Variants in IQCE observed in about 807,000 individuals in gnomAD.
IQCE encodes IQ domain-containing protein E.
Under a neutral mutation model 96.0 loss-of-function variants are expected in IQCE, and 115 were observed. That is an observed-to-expected ratio of 1.20 (90% CI 1.03 to 1.40). The LOEUF is 1.40. IQCE is among the 40% of genes most tolerant of loss of function. The pLI, the probability that IQCE is intolerant of heterozygous loss-of-function variation, is 0.00. For synonymous variants in IQCE, 412 were observed against 371.2 expected, an observed-to-expected ratio of 1.11 and a Z score of -1.26; for missense variants, 1,041 against 909.1, an observed-to-expected ratio of 1.15 and a Z score of -1.87.
chr7:2,593,653 C>T (rs571800305), intron 15 of IQCE, among the ~76,000 whole-genome samples: 28 of 152,352 alleles, frequency 1.8e-4, no homozygotes, highest in African/African-American at 6.5e-4. Flanking sequence ...GCGTAGCACA[C>T]GATTCCTTGC....
chr7:2,604,882 C>T lies in IQCE; in HGVS notation c.1634C>T (p.Ala545Val), dbSNP rs775279694. ...TCTCCCTGCTTCCTTCCCTGACAGG[C>T]GGCTGTGGTGCTTCAGGCAGCTTTC... ...HKKKKAVLDEAAVVLQAAFRG... is the reference protein window; with the variant it reads ...HKKKKAVLDEVAVVLQAAFRG... The change falls in exon 19 of 22, where the codon GCG (alanine) becomes GTG (valine). Residue 545 changes from alanine (A) to valine (V), a missense_variant and splice_region_variant. Coordinates refer to ENST00000402050, the MANE Select transcript of IQCE (RefSeq NM_152558.5). 3.4e-5 allele frequency: 55 copies of T among 1,611,756 alleles called. 1 individual carries two copies. Among genetic ancestry groups the T allele is most frequent in the Middle Eastern group, 1.6e-4 (1 of 6,082 alleles).
Position 2,586,085 on chromosome 7 carries a change from C to T in IQCE, c.825-123C>T, listed in dbSNP as rs1052587972. On this transcript the variant is annotated intron_variant, in intron 11 of 21. Transcript: ENST00000402050. ...TGCCTATTCGATTTCAAATACTCAC[C>T]TGCAAAAACCACTCTGAGCTCACAA... is the stretch of plus-strand genomic sequence containing the variant. 4.1e-5 allele frequency: 36 copies of T among 885,358 alleles called. No homozygotes were observed. The Admixed American group carries it at 4.8e-4, about 12-fold the overall frequency. The allele number at this position is 885,358 out of a possible 1,614,324, so 54.8% of individuals were successfully genotyped here.
chr7:2,605,050 C>G (rs1784697699), intron 19 of IQCE, 59 bp downstream of exon 19: 4 of 1,218,062 alleles, frequency 3.3e-6, no homozygotes, highest in African/African-American at 1.5e-5. Flanking sequence ...GTCTCGCACT[C>G]CATCCATCGA....
chr7:2,572,408 G>T, intron 5 of IQCE, 82 bp downstream of exon 5: 3 of 1,431,612 alleles, frequency 2.1e-6, no homozygotes, highest in East Asian at 2.4e-5. Flanking sequence ...GGCGTCCTTC[G>T]TCAGAGCAGG....
chr7:2,590,950 G>A (rs1783537611), intron 14 of IQCE, among the ~76,000 whole-genome samples: 2 of 151,538 alleles, frequency 1.3e-5, no homozygotes, highest in African/African-American at 4.9e-5. Context: ...TAATACGTAG[G>A]AAATAAAGCA....
chr7:2,605,074 AC>A, intron 19 of IQCE, 83 bp downstream of exon 19: 3 of 989,796 alleles, frequency 3.0e-6, no homozygotes, highest in Non-Finnish European at 4.6e-6. Flanking sequence ...AGCGTAGGGC[AC>A]CCCTCAGCCT....
chr7:2,563,930 C>T (rs2128427222), intron 1 of IQCE, among the ~76,000 whole-genome samples: 1 of 150,196 alleles, frequency 6.7e-6, no homozygotes, highest in Non-Finnish European at 1.5e-5. Flanking sequence ...CACTCATCAG[C>T]CGGGCACAGT....
rs1246366298 is a variant in IQCE at position 2,577,458 on chromosome 7, G to C, written c.466-784G>C. Among the ~76,000 whole-genome samples, 7 of 74,698 alleles carry C rather than the reference G, an allele frequency of 9.4e-5. 1 individual carries two copies. The East Asian group carries it at 2.4e-3, about 26-fold the overall frequency. The allele number at this position is 74,698 out of a possible 152,430, so 49.0% of individuals were successfully genotyped here. Reference sequence around the variant, plus strand: ...CGCATTGGCATGTACTTGGCTGTGCGCGCGGGGACTGTGTGCGGCGTATAC... The same window carrying C: ...CGCATTGGCATGTACTTGGCTGTGCCCGCGGGGACTGTGTGCGGCGTATAC... On this transcript the variant is annotated intron_variant, in intron 6 of 21. Coordinates refer to ENST00000402050, the MANE Select transcript of IQCE (RefSeq NM_152558.5).
intron 12 of IQCE, among the ~76,000 whole-genome samples, chr7:2,586,791 C>T (rs1030453149): frequency 5.9e-5 from 9 of 152,158 alleles, no homozygotes; most frequent in Non-Finnish European, 1.0e-4. Flanking sequence ...GCCATGAAGA[C>T]GGCAGCAGGC....
At chr7:2,565,420 C>G (rs904391634) in intron 1 of IQCE, among the ~76,000 whole-genome samples, 1 of 152,048 alleles carries the variant, frequency 6.6e-6, no homozygotes, top group Non-Finnish European at 1.5e-5. Context: ...AGAGGGCAGC[C>G]GTTGTGGGTG....
Position 2,614,131 on chromosome 7 carries a change from A to G in IQCE, c.*3969A>G, listed in dbSNP as rs1168063487. ...CCAGAAACCCCCTTCCTTGCAAAAA[A>G]AAGGCAATTGAATTAGGAAAAGATA... On this transcript the variant is annotated 3_prime_UTR_variant, in exon 22 of 22. Coordinates refer to ENST00000402050, the MANE Select transcript of IQCE (RefSeq NM_152558.5). The G allele has an allele frequency of 6.6e-6, 1 of 152,144 alleles. No individual in the cohort carries two copies. Among genetic ancestry groups the G allele is most frequent in the Non-Finnish European group, 1.5e-5 (1 of 68,032 alleles). 9.4% of individuals were successfully genotyped at this position (152,144 alleles called of 1,614,324 possible).
intron 1 of IQCE, among the ~76,000 whole-genome samples, chr7:2,563,378 TGTGTGTG>T (rs1562615849): frequency 1.3e-4 from 13 of 100,296 alleles, no homozygotes; most frequent in African/African-American, 4.0e-4. Context: ...TTTTTTGTTG[TGTGTGTG>T]TGTGTGTGTG....
intron 6 of IQCE, among the ~76,000 whole-genome samples, chr7:2,575,045 G>A (rs1782017177): frequency 6.6e-6 from 1 of 152,222 alleles, no homozygotes; most frequent in Non-Finnish European, 1.5e-5. Flanking sequence ...TCTGTGGCGG[G>A]ATTCCAATGT....
intron 6 of IQCE, 53 bp from the exon 7 acceptor site, chr7:2,578,189 G>A (rs1214393675): frequency 2.8e-5 from 38 of 1,370,534 alleles, no homozygotes; most frequent in Non-Finnish European, 3.7e-5. Context: ...ACGTGTGTGC[G>A]GCGTGTGCGC....
intron 18 of IQCE, 55 bp downstream of exon 18, chr7:2,601,519 T>A: frequency 8.2e-7 from 1 of 1,216,138 alleles, no homozygotes. Context: ...TGTTGAAAAG[T>A]AGGTGAGGGG....
chr7:2,605,476 C>T (rs948594143), intron 19 of IQCE, among the ~76,000 whole-genome samples: 12 of 152,014 alleles, frequency 7.9e-5, no homozygotes, highest in East Asian at 1.9e-4. Flanking sequence ...AAAAATTAGC[C>T]GGGCGTGGTG....
rs201488742 is a variant in IQCE, at chr7:2,590,101, G to T, written c.1239G>T (p.Gln413His). The change falls in exon 14 of 22, where the codon CAG (glutamine) becomes CAT (histidine). Residue 413 changes from glutamine to histidine, a missense_variant. Coordinates refer to ENST00000402050, the MANE Select transcript of IQCE (RefSeq NM_152558.5). ...ERTALQEQLLQRDLEVKQLLQ... is the reference protein window; with the variant it reads ...ERTALQEQLLHRDLEVKQLLQ... Reference sequence around the variant, plus strand: ...CCGCGCTGCAGGAGCAGCTGCTGCAGAGAGAGTAGGTCCTCCCAAGGCCCC... The same window carrying T: ...CCGCGCTGCAGGAGCAGCTGCTGCATAGAGAGTAGGTCCTCCCAAGGCCCC... 5 of 1,611,246 alleles carry T rather than the reference G, an allele frequency of 3.1e-6. No individual in the cohort carries two copies. Among genetic ancestry groups the T allele is most frequent in the Admixed American group, 3.3e-5 (2 of 59,944 alleles).
intron 12 of IQCE, among the ~76,000 whole-genome samples, chr7:2,586,802 G>A (rs970933320): frequency 4.6e-5 from 7 of 152,248 alleles, no homozygotes; most frequent in African/African-American, 1.7e-4. Flanking sequence ...GGCAGCAGGC[G>A]TGGGACAGGC....
At position 2,583,557 on chromosome 7, in the gene IQCE, C is replaced by T. The variant is rs79181588; in HGVS notation, c.702-80C>T. The T allele has an allele frequency of 5.6e-3, 6,044 of 1,081,358 alleles. 252 individuals carry two copies. In the African/African-American group the frequency reaches 0.087, roughly 15 times the overall value. 67.0% of individuals were successfully genotyped at this position (1,081,358 alleles called of 1,614,324 possible). On this transcript the variant is annotated intron_variant, in intron 9 of 21. Coordinates refer to ENST00000402050, the MANE Select transcript of IQCE (RefSeq NM_152558.5). The stretch of plus-strand genomic sequence containing the variant: ...TTTCCAAAGCCTCTCCTCTTCTGAA[C>T]GTTCTGGGAAACTCTTCCTCTTGCT...
Sources: allele counts gnomAD v4.1 joint callset (sites outside exome capture counted in the v4.1 genomes callset), GRCh38; gene constraint gnomAD v4.1.1; transcripts MANE v1.5; gene names NCBI Gene and HGNC (gene_info 2026-07-23, HGNC 2026-07-21).